CFAP96: variants seen among roughly 807,000 people sequenced by gnomAD.
CFAP96 encodes the protein cilia and flagella associated protein 96, also known as cilia-and flagella-associated protein 96.
the CFAP96 span, among the ~76,000 whole-genome samples, chr4:185,427,227 G>A: frequency 1.3e-5 from 2 of 152,228 alleles, no homozygotes; most frequent in Non-Finnish European, 1.5e-5. Flanking sequence ...CCCTTGTGCC[G>A]TGGAGCTTTG....
the CFAP96 span, among the ~76,000 whole-genome samples, chr4:185,411,409 T>C: frequency 1.3e-5 from 2 of 152,040 alleles, no homozygotes; most frequent in Non-Finnish European, 2.9e-5. Flanking sequence ...ACTAATTTAG[T>C]AAACCAGTAT....
At chr4:185,411,723 A>G in the CFAP96 span, among the ~76,000 whole-genome samples, 2 of 152,224 alleles carry the variant, frequency 1.3e-5, no homozygotes, top group African/African-American at 4.8e-5. Flanking sequence ...ACTGTTGCAC[A>G]TATGTATCGA....
chr4:185,446,843 C>T, the CFAP96 span, among the ~76,000 whole-genome samples: 1 of 152,180 alleles, frequency 6.6e-6, no homozygotes, highest in East Asian at 1.9e-4. Context: ...GAGATGCCAT[C>T]TAGTTTCAAA....
chr4:185,427,387 C>T, the CFAP96 span, among the ~76,000 whole-genome samples: 5 of 152,318 alleles, frequency 3.3e-5, no homozygotes, highest in East Asian at 9.6e-4. Context: ...TTTGGTGTTA[C>T]GTATTAGCAA....
At chr4:185,411,154 T>A in the CFAP96 span, among the ~76,000 whole-genome samples, 1 of 148,240 alleles carries the variant, frequency 6.7e-6, no homozygotes, top group Non-Finnish European at 1.5e-5. Context: ...GGCATAAAAA[T>A]GATATGAAGA....
chr4:185,443,049 T>C, the CFAP96 span, among the ~76,000 whole-genome samples: 3 of 151,920 alleles, frequency 2.0e-5, no homozygotes, highest in African/African-American at 7.3e-5. Context: ...GCAATGGGGG[T>C]AATTTCTTTG....
At chr4:185,426,102 T>C in the CFAP96 span, 1 of 584,884 alleles carries the variant, frequency 1.7e-6, no homozygotes, top group Non-Finnish European at 3.1e-6. Context: ...TAGTTAAGTC[T>C]TTTCTGTCCT....
chr4:185,421,219 T>C, the CFAP96 span, among the ~76,000 whole-genome samples: 2 of 152,222 alleles, frequency 1.3e-5, no homozygotes, highest in East Asian at 3.8e-4. Context: ...AATTTATTAG[T>C]TGAAGGGATG....
At chr4:185,435,917 A>G in the CFAP96 span, 1 of 667,180 alleles carries the variant, frequency 1.5e-6, no homozygotes, top group East Asian at 3.0e-5. Flanking sequence ...AGAATGAGGA[A>G]AATGAAATTA....
the CFAP96 span, among the ~76,000 whole-genome samples, chr4:185,427,724 CATTCCA>C: frequency 6.7e-6 from 1 of 150,176 alleles, no homozygotes; most frequent in Non-Finnish European, 1.5e-5. Flanking sequence ...AGCGCCTCTG[CATTCCA>C]GCCTGGGCGA....
the CFAP96 span, chr4:185,445,097 CA>C: frequency 6.4e-7 from 1 of 1,551,400 alleles, no homozygotes; most frequent in African/African-American, 1.4e-5. Flanking sequence ...AAAAGCAGAC[CA>C]GTTGAAAGTA....
chr4:185,416,523 C>T, the CFAP96 span, among the ~76,000 whole-genome samples: 4 of 152,180 alleles, frequency 2.6e-5, no homozygotes, highest in African/African-American at 9.7e-5. Context: ...TCAGACTTCT[C>T]ACTGGGAAAA....
chr4:185,429,406 G>A, the CFAP96 span: 7 of 1,519,986 alleles, frequency 4.6e-6, no homozygotes, highest in East Asian at 2.6e-5. Context: ...ACCACCAGAC[G>A]CCACCATGCC....
chr4:185,445,235 C>A, the CFAP96 span: 1 of 1,028,788 alleles, frequency 9.7e-7, no homozygotes, highest in Non-Finnish European at 1.4e-6. Flanking sequence ...TTTTAAATGA[C>A]AAATGTGGGT....
At chr4:185,415,964 GA>G in the CFAP96 span, 1 of 1,103,766 alleles carries the variant, frequency 9.1e-7, no homozygotes, top group Non-Finnish European at 1.2e-6. Flanking sequence ...TTATTATTAA[GA>G]AAAAAATTTA....
the CFAP96 span, among the ~76,000 whole-genome samples, chr4:185,409,549 A>G: frequency 6.6e-6 from 1 of 152,062 alleles, no homozygotes; most frequent in Non-Finnish European, 1.5e-5. Flanking sequence ...GATAGAACCA[A>G]CCCTCACCCA....
At chr4:185,431,073 G>A in the CFAP96 span, among the ~76,000 whole-genome samples, 1 of 152,084 alleles carries the variant, frequency 6.6e-6, no homozygotes. Context: ...AACCAGCCAT[G>A]GTGGTGCACA....
chr4:185,429,764 G>C, the CFAP96 span, among the ~76,000 whole-genome samples: 2 of 152,052 alleles, frequency 1.3e-5, no homozygotes, highest in African/African-American at 4.8e-5. Context: ...CAAACTCCTG[G>C]GCTCAAGGGT....
chr4:185,449,171 T>A, the CFAP96 span, among the ~76,000 whole-genome samples: 5 of 152,224 alleles, frequency 3.3e-5, no homozygotes, highest in African/African-American at 1.2e-4. Context: ...TTTTGGATTG[T>A]TAATATGTTA....
Sources: gnomAD v4.1 joint callset for allele counts (sites outside exome capture counted in the v4.1 genomes callset) on GRCh38, gnomAD v4.1.1 for gene constraint, MANE v1.5 for transcripts, NCBI Gene and HGNC (gene_info 2026-07-23, HGNC 2026-07-21) for gene names.